Variants in RORA observed in about 807,000 individuals in gnomAD.
RORA encodes the protein nuclear receptor ROR-alpha.
Under a neutral mutation model 69.5 loss-of-function variants are expected in RORA, and 7 were observed. The ratio of observed to expected loss-of-function variants is 0.10; its 90% confidence interval spans 0.06 to 0.19. The LOEUF (loss-of-function observed/expected upper bound fraction) is 0.19. Among genes scored for constraint, RORA ranks in the 10% least tolerant of loss-of-function variants. The pLI is 1.00. For synonymous variants in RORA, 261 were observed against 240.8 expected (o/e 1.08, Z -0.78); for missense variants, 457 against 663.0 (o/e 0.69, Z 3.41).
chr15:60,733,813 G>T (rs2071459913), intron 1 of RORA, among the ~76,000 whole-genome samples: 1 of 151,940 alleles, frequency 6.6e-6, no homozygotes, highest in Non-Finnish European at 1.5e-5. Flanking sequence ...GATTTTTCAG[G>T]CCTAAGGACC....
At chr15:60,796,797 C>T (rs967799069) in intron 1 of RORA, among the ~76,000 whole-genome samples, 2 of 151,972 alleles carry the variant, frequency 1.3e-5, no homozygotes, top group Non-Finnish European at 2.9e-5. Flanking sequence ...TTCTCATCAA[C>T]TGATGAGTCG....
At chr15:60,825,014 C>T (rs2072938412) in intron 1 of RORA, among the ~76,000 whole-genome samples, 1 of 152,226 alleles carries the variant, frequency 6.6e-6, no homozygotes, top group Non-Finnish European at 1.5e-5. Flanking sequence ...CTAGAGCTGC[C>T]TACTGCTGAT....
intron 1 of RORA, among the ~76,000 whole-genome samples, chr15:61,129,502 GA>G (rs2079171458): frequency 6.6e-6 from 1 of 152,128 alleles, no homozygotes; most frequent in South Asian, 2.1e-4. Context: ...TCGGGGGGAT[GA>G]AAAGGTTCTG....
At chr15:60,849,922 T>C (rs1327266642) in intron 1 of RORA, among the ~76,000 whole-genome samples, 2 of 152,186 alleles carry the variant, frequency 1.3e-5, no homozygotes, top group African/African-American at 4.8e-5. Context: ...CAAAGGCCCC[T>C]GTGGCTCCAG....
At chr15:60,745,173 C>G (rs1451538642) in intron 1 of RORA, among the ~76,000 whole-genome samples, 8 of 152,200 alleles carry the variant, frequency 5.3e-5, no homozygotes, top group Admixed American at 5.2e-4. Context: ...CCGAATGAGA[C>G]AGCAGGGAGT....
Position 60,531,611 on chromosome 15 carries a change from T to A in RORA, c.282+155A>T, listed in dbSNP as rs1434478516. The A allele has an allele frequency of 1.8e-6, 1 of 556,242 alleles. No homozygotes were observed. Among genetic ancestry groups the A allele is most frequent in the Non-Finnish European group, 3.1e-6 (1 of 318,512 alleles). The allele number at this position is 556,242 out of a possible 1,614,324, so 34.5% of individuals were successfully genotyped here. ...TAAAAATATATATAACTTCTTTAAT[T>A]GTAATTTAACACCAAAATATTTCTT... is the stretch of plus-strand genomic sequence containing the variant. On this transcript the variant is annotated intron_variant, in intron 3 of 10. Transcript: ENST00000335670. This position sits in a 1 kb window ranked among gnomAD's most constrained non-coding sequence, Gnocchi z 4.8.
chr15:60,931,066 G>A (rs1892360443), intron 1 of RORA, among the ~76,000 whole-genome samples: 1 of 152,172 alleles, frequency 6.6e-6, no homozygotes. Context: ...GGGGGAAGAG[G>A]GGGAAGACCA....
At chr15:60,891,873 C>G (rs1401987202) in intron 1 of RORA, among the ~76,000 whole-genome samples, 1 of 152,216 alleles carries the variant, frequency 6.6e-6, no homozygotes, top group Non-Finnish European at 1.5e-5. Context: ...ATGGTCACCA[C>G]CTCCTGGATG....
At chr15:60,591,294 G>C (rs1245958479) in intron 2 of RORA, among the ~76,000 whole-genome samples, 1 of 150,798 alleles carries the variant, frequency 6.6e-6, no homozygotes, top group South Asian at 2.1e-4. Flanking sequence ...GCGCACAAGC[G>C]GGCGGCGGGC....
intron 2 of RORA, among the ~76,000 whole-genome samples, chr15:60,616,063 G>C (rs907162420): frequency 4.6e-5 from 7 of 152,184 alleles, no homozygotes; most frequent in African/African-American, 1.7e-4. Flanking sequence ...AATGTGAAGA[G>C]CATTATAAAA....
intron 2 of RORA, among the ~76,000 whole-genome samples, chr15:60,651,015 C>T (rs2070135179): frequency 1.3e-5 from 2 of 152,104 alleles, no homozygotes; most frequent in Admixed American, 1.3e-4. Context: ...TTCCAATACG[C>T]CACACAGCCC....
chr15:60,852,359 C>T lies in RORA; in HGVS notation c.167-173673G>A, dbSNP rs146333013. On this transcript the variant is annotated intron_variant, in intron 1 of 10. Coordinates refer to ENST00000335670, the MANE Select transcript of RORA (RefSeq NM_134261.3). ...ATCCTGCCTTGGTATGGGCCAGCTG[C>T]ACAGCTGTGCGTGATGCTTGGCAAG... Among the ~76,000 whole-genome samples the T allele has an allele frequency of 2.0e-3, 311 of 152,314 alleles. 3 individuals are homozygous for T. Among genetic ancestry groups the T allele is most frequent in the African/African-American group, 7.2e-3 (299 of 41,572 alleles).
chr15:61,139,422 C>CA (rs763805065), intron 1 of RORA, among the ~76,000 whole-genome samples: 3 of 152,086 alleles, frequency 2.0e-5, no homozygotes, highest in Non-Finnish European at 4.4e-5. Flanking sequence ...TCTTAGAAAA[C>CA]AAAAACAAAC....
intron 2 of RORA, among the ~76,000 whole-genome samples, chr15:60,654,111 A>G (rs1350093487): frequency 1.3e-5 from 2 of 152,184 alleles, no homozygotes; most frequent in Non-Finnish European, 2.9e-5. Context: ...GCTGCTGAAT[A>G]AAGACTTGTT....
At chr15:60,884,194 A>G (rs2140450877) in intron 1 of RORA, among the ~76,000 whole-genome samples, 2 of 152,210 alleles carry the variant, frequency 1.3e-5, no homozygotes, top group Non-Finnish European at 2.9e-5. Context: ...AAGGATCCCA[A>G]AGAGAGAAAG....
intron 1 of RORA, among the ~76,000 whole-genome samples, chr15:61,018,734 T>C (rs1895395492): frequency 6.6e-6 from 1 of 152,170 alleles, no homozygotes; most frequent in Non-Finnish European, 1.5e-5. Context: ...CAATCATACA[T>C]ATAACACATA....
At chr15:60,622,652 C>G (rs751787346) in intron 2 of RORA, among the ~76,000 whole-genome samples, 3 of 152,122 alleles carry the variant, frequency 2.0e-5, no homozygotes, top group Non-Finnish European at 2.9e-5. Flanking sequence ...AAATACAATA[C>G]CAAGATACCA....
intron 1 of RORA, among the ~76,000 whole-genome samples, chr15:61,045,428 G>A (rs1003513021): frequency 1.8e-4 from 28 of 152,212 alleles, no homozygotes; most frequent in African/African-American, 6.3e-4. Context: ...ACCTCCGGCT[G>A]AATGTTAAGC....
intron 1 of RORA, among the ~76,000 whole-genome samples, chr15:61,039,814 C>A (rs1279714958): frequency 6.7e-6 from 1 of 149,826 alleles, no homozygotes; most frequent in Non-Finnish European, 1.5e-5. Context: ...TGGGAACTTA[C>A]CAAATCTGTT....
Sources: allele counts gnomAD v4.1 joint callset (sites outside exome capture counted in the v4.1 genomes callset), GRCh38; gene constraint gnomAD v4.1.1; non-coding constraint Gnocchi (gnomAD v3.1); transcripts MANE v1.5; gene names NCBI Gene and HGNC (gene_info 2026-07-23, HGNC 2026-07-21).